The following ERCC3 variants were observed in gnomAD, a reference collection of about 807,000 sequenced individuals.
ERCC3 encodes ERCC excision repair 3, TFIIH core complex helicase subunit.
Under a neutral mutation model 94.2 loss-of-function variants are expected in ERCC3, and 66 were observed. The ratio of observed to expected loss-of-function variants is 0.70; its 90% CI spans 0.57 to 0.86. The LOEUF (loss-of-function observed/expected upper bound fraction) is 0.86, where lower values mean the gene tolerates loss of function less well. Ranked by LOEUF, ERCC3 falls within the 40% of genes least tolerant of loss-of-function variation. The probability of loss-of-function intolerance (pLI) is 0.00; values close to 1 mark genes in which losing one functional copy is unlikely to be tolerated. For synonymous variants in ERCC3, 349 were observed against 369.1 expected, an observed-to-expected ratio of 0.95 and a Z score of 0.63; for missense variants, 829 against 987.1, an observed-to-expected ratio of 0.84 and a Z score of 2.15.
At chr2:127,283,856 T>C (rs573577534) in intron 8 of ERCC3, among the ~76,000 whole-genome samples, 25 of 152,302 alleles carry the variant, frequency 1.6e-4, no homozygotes, top group African/African-American at 5.8e-4. Context: ...CATATGTATA[T>C]CCTTTTTTGG....
rs553407793 is a variant in ERCC3 at position 127,278,962 on chromosome 2, T to C, written c.1730+211A>G. Among the ~76,000 whole-genome samples, 3 of 152,312 alleles carry C rather than the reference T, an allele frequency of 2.0e-5. No individual in the cohort carries two copies. In the South Asian group the frequency reaches 6.2e-4, roughly 32 times the overall value. ...CCCTGTTCTTTGGGCTCAAGGTGACTAGCCCCCCTTTTCTCTATGCTCTAA... is the reference window on the plus strand; with the variant it reads ...CCCTGTTCTTTGGGCTCAAGGTGACCAGCCCCCCTTTTCTCTATGCTCTAA... On this transcript the variant is annotated intron_variant, in intron 10 of 14. Transcript: ENST00000285398.
chr2:127,259,611 T>C lies in ERCC3; in HGVS notation c.2065-163A>G, dbSNP rs1231323922. ...CTCCCTAGCATTCCAGAGACCAGCA[T>C]CAGGAGCCGCCTTTAACAGGGAGCT... is the stretch of plus-strand genomic sequence containing the variant. On this transcript the variant is annotated intron_variant, in intron 13 of 14. Transcript: ENST00000285398. The surrounding 1 kb of genome is among the most constrained non-coding windows in gnomAD (Gnocchi z 4.9). 1 of 842,570 alleles carries C rather than the reference T, an allele frequency of 1.2e-6. No individual in the cohort carries two copies. The highest frequency in any genetic ancestry group is 1.7e-5 in the African/African-American group (1 of 60,154). The allele number at this position is 842,570 out of a possible 1,614,324, so 52.2% of individuals were successfully genotyped here.
chr2:127,275,266 G>C (rs1315489840), intron 10 of ERCC3, among the ~76,000 whole-genome samples: 1 of 152,128 alleles, frequency 6.6e-6, no homozygotes, highest in Admixed American at 6.5e-5. Flanking sequence ...CTGGGCTCAA[G>C]TGATCTTTCT....
In ERCC3 at chr2:127,271,535, A is replaced by G. The variant is rs566692282; in HGVS notation, c.1828-82T>C. 420 of 963,616 alleles carry G rather than the reference A, an allele frequency of 4.4e-4. No homozygotes were observed. Among genetic ancestry groups the G allele is most frequent in the Non-Finnish European group, 6.2e-4 (368 of 592,476 alleles). The allele number at this position is 963,616 out of a possible 1,614,324, so 59.7% of individuals were successfully genotyped here. ...TCCAGAATTTAAATAAGTTCTGTAG[A>G]TAATTTTGAAACATAATCACTCTTT... On this transcript the variant is annotated intron_variant, in intron 11 of 14. Transcript: ENST00000285398. This position sits in a 1 kb window ranked among gnomAD's most constrained non-coding sequence, Gnocchi z 5.0.
chr2:127,289,497 G>C lies in ERCC3; in HGVS notation c.662C>G (p.Ser221Cys). The C allele has an allele frequency of 6.2e-7, 1 of 1,612,486 alleles. No individual in the cohort carries two copies. The highest frequency in any genetic ancestry group is 8.5e-7 in the Non-Finnish European group (1 of 1,180,028). Residue 221 changes from serine (S) to cysteine (C), a missense_variant, in exon 6 of 15, where the codon TCT (serine) becomes TGT (cysteine). Coordinates refer to ENST00000285398, the MANE Select transcript of ERCC3 (RefSeq NM_000122.2). Reference protein sequence around the residue: ...TETFTSKSAISKTAESSGGPS... With the variant: ...TETFTSKSAICKTAESSGGPS... Reference sequence around the variant, plus strand: ...CCCACCACTGCTTTCAGCAGTCTTAGAAATCTGTGAGAGAGGTAGGTGCTG... The same window carrying C: ...CCCACCACTGCTTTCAGCAGTCTTACAAATCTGTGAGAGAGGTAGGTGCTG...
chr2:127,292,320 G>T, intron 3 of ERCC3: 1 of 498,360 alleles, frequency 2.0e-6, no homozygotes, highest in Non-Finnish European at 3.7e-6. Context: ...GCCTGAATTA[G>T]TAGCCCCTCT....
intron 12 of ERCC3, among the ~76,000 whole-genome samples, chr2:127,266,442 T>C (rs530457743): frequency 6.7e-6 from 1 of 149,124 alleles, no homozygotes; most frequent in Admixed American, 6.7e-5. Flanking sequence ...TTCACGCCAT[T>C]CTCCTGCCTC....
In ERCC3 at chr2:127,283,288, C is replaced by T. The variant is rs144104665; in HGVS notation, c.1343-2657G>A. Among the ~76,000 whole-genome samples, 351 of 152,274 alleles carry T rather than the reference C, an allele frequency of 2.3e-3. 6 individuals carry two copies. The highest frequency in any genetic ancestry group is 7.5e-3 in the African/African-American group (313 of 41,554). ...ATCTCTGACCCCCCACTTCTGGCAA[C>T]CACTGATCTGCTGGCCAGCACTATA... On this transcript the variant is annotated intron_variant, in intron 8 of 14. Transcript: ENST00000285398.
chr2:127,289,500 A>C lies in ERCC3; in HGVS notation c.659T>G (p.Ile220Ser), dbSNP rs377665046. Reference sequence around the variant, plus strand: ...ACCACTGCTTTCAGCAGTCTTAGAAATCTGTGAGAGAGGTAGGTGCTGAAC... The same window carrying C: ...ACCACTGCTTTCAGCAGTCTTAGAACTCTGTGAGAGAGGTAGGTGCTGAAC... ...ITETFTSKSA[I>S]SKTAESSGGP... Residue 220 changes from isoleucine (I) to serine (S), a missense_variant and splice_region_variant, in exon 6 of 15, where the codon ATT becomes AGT. Transcript: ENST00000285398. The C allele has an allele frequency of 1.3e-5, 21 of 1,612,314 alleles. No homozygotes were observed. The highest frequency in any genetic ancestry group is 1.7e-5 in the Non-Finnish European group (20 of 1,180,026).
intron 4 of ERCC3, 74 bp downstream of exon 4, chr2:127,290,150 C>A: frequency 1.7e-6 from 2 of 1,174,830 alleles, no homozygotes; most frequent in South Asian, 1.2e-5. Context: ...CAGGTCCTTC[C>A]CATATCCCTT....
chr2:127,288,290 T>A (rs1685144837), intron 7 of ERCC3, among the ~76,000 whole-genome samples: 1 of 152,174 alleles, frequency 6.6e-6, no homozygotes, highest in Non-Finnish European at 1.5e-5. Flanking sequence ...AACAAGAACC[T>A]AACCCCACTA....
intron 10 of ERCC3, among the ~76,000 whole-genome samples, chr2:127,273,283 G>A (rs1269617122): frequency 6.6e-6 from 1 of 152,058 alleles, no homozygotes; most frequent in African/African-American, 2.4e-5. Flanking sequence ...CACATTTCAT[G>A]AAGCCCAAAG....
chr2:127,268,243 C>T lies in ERCC3; in HGVS notation c.1945+3093G>A, dbSNP rs183895347. Among the ~76,000 whole-genome samples the T allele has an allele frequency of 6.2e-3, 942 of 152,090 alleles. 5 individuals carry two copies. The highest frequency in any genetic ancestry group is 9.9e-3 in the Non-Finnish European group (672 of 67,986). ...TGCTAGGATTACAGGTGTGAGCCAC[C>T]GCGCCTGGCCTGTTTTTTTGTTTGT... On this transcript the variant is annotated intron_variant, in intron 12 of 14. Coordinates refer to ENST00000285398, the MANE Select transcript of ERCC3 (RefSeq NM_000122.2).
In ERCC3 at chr2:127,264,325, G is replaced by A. The variant is rs1027986578; in HGVS notation, c.1946-2979C>T. ...CTAAAAATACAAAAAAATTAGCTGG[G>A]CATGGTGGTGCGTGCCTGTAGTCCC... On this transcript the variant is annotated intron_variant, in intron 12 of 14. Transcript: ENST00000285398. The surrounding 1 kb of genome is among the most constrained non-coding windows in gnomAD (Gnocchi z 4.4). 3.9e-5 allele frequency among the ~76,000 whole-genome samples: 6 copies of A among 152,138 alleles called. No individual in the cohort carries two copies. Among genetic ancestry groups the A allele is most frequent in the African/African-American group, 1.4e-4 (6 of 41,430 alleles).
Position 127,259,504 on chromosome 2 carries a change from CTCT to C in ERCC3, c.2065-59_2065-57del. On this transcript the variant is annotated intron_variant, in intron 13 of 14. Coordinates refer to ENST00000285398, the MANE Select transcript of ERCC3 (RefSeq NM_000122.2). The surrounding 1 kb of genome is among the most constrained non-coding windows in gnomAD (Gnocchi z 4.9). ...TTTCTGCTCTCTCTCCCCAGCCCTC[CTCT>C]GCCTTCTCCTGGGTCCACCTGCTTT... 6.2e-7 allele frequency: 1 copy of C among 1,609,808 alleles called. No individual in the cohort carries two copies.
chr2:127,285,559 G>A (rs560642750), intron 8 of ERCC3, among the ~76,000 whole-genome samples: 55 of 152,140 alleles, frequency 3.6e-4, no homozygotes, highest in Non-Finnish European at 5.7e-4. Context: ...GCATGGTGGC[G>A]CACACCTGTA....
intron 7 of ERCC3, among the ~76,000 whole-genome samples, chr2:127,287,646 G>GA (rs1358066918): frequency 6.6e-6 from 1 of 152,026 alleles, no homozygotes; most frequent in Non-Finnish European, 1.5e-5. Context: ...AAAGAAAAAA[G>GA]AAAGATTGAA....
At chr2:127,282,837 C>T in intron 8 of ERCC3, among the ~76,000 whole-genome samples, 1 of 152,186 alleles carries the variant, frequency 6.6e-6, no homozygotes. Flanking sequence ...GTGTGAGATG[C>T]ACCTTTTTGT....
At position 127,271,572 on chromosome 2, in the gene ERCC3, T is replaced by TA; in HGVS notation, c.1828-120dup. The TA allele has an allele frequency of 1.3e-6, 1 of 777,674 alleles. No individual in the cohort carries two copies. The highest frequency in any genetic ancestry group is 2.2e-6 in the Non-Finnish European group (1 of 445,064). 48.2% of individuals were successfully genotyped at this position (777,674 alleles called of 1,614,324 possible). A position where few individuals can be genotyped will look rare whatever the true frequency, so the allele number is the denominator to read the frequency against. ...CATAATCACTCTTTTCTCCTCTTTA[T>TA]ACCAGGGTCTATCTGATGCAGGCAG... On this transcript the variant is annotated intron_variant, in intron 11 of 14. Transcript: ENST00000285398. The surrounding 1 kb of genome is among the most constrained non-coding windows in gnomAD (Gnocchi z 5.0).
Sources: gnomAD v4.1 joint callset for allele counts (sites outside exome capture counted in the v4.1 genomes callset) on GRCh38, gnomAD v4.1.1 for gene constraint, Gnocchi (gnomAD v3.1) non-coding constraint, MANE v1.5 for transcripts, NCBI Gene and HGNC (gene_info 2026-07-23, HGNC 2026-07-21) for gene names.